MYOT: variants seen among roughly 807,000 people sequenced by gnomAD.
MYOT encodes myotilin, also known as 57 kDa cytoskeletal protein.
In MYOT, 36 loss-of-function variants were observed where a neutral mutation model predicts 58.0. The observed-to-expected ratio is 0.62, with a 90% CI of 0.48 to 0.82. The LOEUF is 0.82. Among genes scored for constraint, MYOT ranks in the 40% least tolerant of loss-of-function variants. The pLI is 0.00. For missense variants in MYOT, 505 were observed against 592.1 expected, an observed-to-expected ratio of 0.85 and a Z score of 1.53; for synonymous variants, 218 against 204.6, an observed-to-expected ratio of 1.07 and a Z score of -0.56.
In MYOT at chr5:137,872,057, C is replaced by CA. The variant is rs773626199; in HGVS notation, c.356+1059dup. On this transcript the variant is annotated intron_variant, in intron 2 of 9. Transcript: ENST00000239926. ...GAACTGCCTATAGCAATTCAACTTGCAAAAAAAAACCTTTTCAATATTTTA... is the reference window on the plus strand; with the variant it reads ...GAACTGCCTATAGCAATTCAACTTGCAAAAAAAAAACCTTTTCAATATTTTA... Among the ~76,000 whole-genome samples, 81 of 148,890 alleles carry CA rather than the reference C, an allele frequency of 5.4e-4. 1 individual carries two copies. The East Asian group carries it at 0.014, about 26-fold the overall frequency.
At chr5:137,875,041 T>C (rs755739657) in intron 2 of MYOT, among the ~76,000 whole-genome samples, 6 of 152,156 alleles carry the variant, frequency 3.9e-5, no homozygotes, top group Non-Finnish European at 7.3e-5. Flanking sequence ...TTTCAAACTA[T>C]AACATGAAAT....
chr5:137,871,810 C>T (rs551411011), intron 2 of MYOT, among the ~76,000 whole-genome samples: 1 of 152,194 alleles, frequency 6.6e-6, no homozygotes, highest in South Asian at 2.1e-4. Flanking sequence ...AACTGAATAC[C>T]TTGTGCTTAT....
chr5:137,871,406 C>T (rs1755046310), intron 2 of MYOT, among the ~76,000 whole-genome samples: 1 of 152,236 alleles, frequency 6.6e-6, no homozygotes, highest in Admixed American at 6.5e-5. Context: ...GTCTGCTCTT[C>T]TTCAGATAGG....
chr5:137,877,458 A>G, intron 3 of MYOT, 62 bp from the exon 4 acceptor site: 1 of 1,116,060 alleles, frequency 9.0e-7, no homozygotes, highest in Admixed American at 1.7e-5. Flanking sequence ...AGTGGTTTTA[A>G]GGTAAACCTG....
intron 3 of MYOT, among the ~76,000 whole-genome samples, chr5:137,876,585 C>T (rs1009478607): frequency 3.9e-5 from 6 of 152,156 alleles, no homozygotes; most frequent in African/African-American, 1.4e-4. Flanking sequence ...GCAGGTGGAT[C>T]ACCAAGGTTA....
At chr5:137,873,676 A>G (rs1310803283) in intron 2 of MYOT, among the ~76,000 whole-genome samples, 1 of 152,186 alleles carries the variant, frequency 6.6e-6, no homozygotes, top group African/African-American at 2.4e-5. Flanking sequence ...TTTAAAAAAC[A>G]TTTTGTTTGG....
intron 4 of MYOT, 84 bp from the exon 5 acceptor site, chr5:137,880,732 T>C: frequency 8.7e-7 from 1 of 1,150,144 alleles, no homozygotes; most frequent in South Asian, 1.3e-5. Flanking sequence ...AATAGGAATG[T>C]TCCTTTCAAC....
intron 3 of MYOT, among the ~76,000 whole-genome samples, chr5:137,877,217 A>T (rs1755255722): frequency 6.6e-6 from 1 of 151,874 alleles, no homozygotes; most frequent in Non-Finnish European, 1.5e-5. Context: ...AAATACAAAA[A>T]ATTAGCTGGG....
At chr5:137,873,661 G>A (rs1408115369) in intron 2 of MYOT, among the ~76,000 whole-genome samples, 3 of 151,694 alleles carry the variant, frequency 2.0e-5, no homozygotes, top group Non-Finnish European at 2.9e-5. Context: ...AAAAAAAATC[G>A]CTATTTTAAA....
chr5:137,882,022 G>A lies in MYOT; in HGVS notation c.733G>A (p.Glu245Lys). ...TGTGAATGATCAGGATGCAATCCAG[G>A]AGAAATTTTACCCACCACGTTTCAT... ...GDVNDQDAIQ[E>K]KFYPPRFIQV... The change falls in exon 6 of 10, where the codon GAG (glutamate) becomes AAG (lysine). Residue 245 changes from glutamate to lysine, a missense_variant. By Grantham distance (56) the Glu-to-Lys change is moderately conservative. Coordinates refer to ENST00000239926, the MANE Select transcript of MYOT (RefSeq NM_006790.3). 6.2e-7 allele frequency: 1 copy of A among 1,614,094 alleles called. No homozygotes were observed. Among genetic ancestry groups the A allele is most frequent in the Non-Finnish European group, 8.5e-7 (1 of 1,179,930 alleles).
intron 7 of MYOT, 76 bp from the exon 8 acceptor site, chr5:137,885,971 AT>A: frequency 9.8e-7 from 1 of 1,020,480 alleles, no homozygotes; most frequent in East Asian, 2.7e-5. Flanking sequence ...CAACATACAA[AT>A]TTCATAATAC....
Position 137,878,214 on chromosome 5 carries a change from AT to A in MYOT, c.633+612del, listed in dbSNP as rs889419278. 3.0e-3 allele frequency among the ~76,000 whole-genome samples: 399 copies of A among 133,940 alleles called. 1 individual carries two copies. The highest frequency in any genetic ancestry group is 7.7e-3 in the Middle Eastern group (2 of 260). The allele number at this position is 133,940 out of a possible 152,430, so 87.9% of individuals were successfully genotyped here. ...CATCCCACAGGTTTGCACCTGATCG[AT>A]TTTTTTTTTTTTTTTTTTGAGACAG... On this transcript the variant is annotated intron_variant, in intron 4 of 9. Transcript: ENST00000239926.
intron 3 of MYOT, 97 bp from the exon 4 acceptor site, chr5:137,877,423 C>G (rs757177495): frequency 1.4e-6 from 1 of 692,176 alleles, no homozygotes; most frequent in Non-Finnish European, 2.7e-6. Context: ...TAGAACTATG[C>G]TTCTTTGAAG....
chr5:137,880,744 G>GT, intron 4 of MYOT, 72 bp from the exon 5 acceptor site: 1 of 1,240,286 alleles, frequency 8.1e-7, no homozygotes. Context: ...CCTTTCAACT[G>GT]TAACTACTTA....
At chr5:137,870,126 T>TAA (rs566265335) in intron 1 of MYOT, among the ~76,000 whole-genome samples, 4 of 86,914 alleles carry the variant, frequency 4.6e-5, no homozygotes, top group Non-Finnish European at 1.0e-4. Flanking sequence ...CTGTCTCTAC[T>TAA]AAAAAAAAAA....
Position 137,876,010 on chromosome 5 carries a change from A to G in MYOT, c.531+7A>G. On this transcript the variant is annotated splice_region_variant and intron_variant, in intron 3 of 9. Transcript: ENST00000239926. ...TCTTCATAATGGAAATCAAGTGGGCAAGATGTCTATTTTGTACAAAAGGCC... is the reference window on the plus strand; with the variant it reads ...TCTTCATAATGGAAATCAAGTGGGCGAGATGTCTATTTTGTACAAAAGGCC... 1 of 1,613,874 alleles carries G rather than the reference A, an allele frequency of 6.2e-7. No individual in the cohort carries two copies.
chr5:137,872,067 C>A (rs750516264), intron 2 of MYOT, among the ~76,000 whole-genome samples: 3 of 151,944 alleles, frequency 2.0e-5, no homozygotes, highest in Non-Finnish European at 4.4e-5. Context: ...CAAAAAAAAA[C>A]CTTTTCAATA....
At position 137,870,372 on chromosome 5, in the gene MYOT, T is replaced by C. The variant is rs1402325127; in HGVS notation, c.-211-69T>C. 6 of 521,480 alleles carry C rather than the reference T, an allele frequency of 1.2e-5. No individual in the cohort carries two copies. In the Admixed American group the frequency reaches 1.9e-4, roughly 17 times the overall value. The allele number at this position is 521,480 out of a possible 1,614,324, so 32.3% of individuals were successfully genotyped here. On this transcript the variant is annotated intron_variant, in intron 1 of 9. Coordinates refer to ENST00000239926, the MANE Select transcript of MYOT (RefSeq NM_006790.3). Reference sequence around the variant, plus strand: ...AGGAAAAGAAAAAGCACATCAGATCTGAAAGATGTCAAATAAACAATGTTA... The same window carrying C: ...AGGAAAAGAAAAAGCACATCAGATCCGAAAGATGTCAAATAAACAATGTTA...
At position 137,877,532 on chromosome 5, in the gene MYOT, G is replaced by A. The variant is rs867562782; in HGVS notation, c.544G>A (p.Glu182Lys). Residue 182 changes from glutamate (E) to lysine (K), a missense_variant, in exon 4 of 10, where the codon GAA (glutamate) becomes AAA (lysine). Physicochemically the swap from Glu to Lys is moderately conservative, Grantham distance 56. Transcript: ENST00000239926. ...AAATTCTCTAAAGCGTCTAACATAT[G>A]AAGAGAAGATGGCTCGCAGATTGCT... ...LHNGNQRLTY[E>K]EKMARRLLGP... The A allele has an allele frequency of 6.8e-6, 11 of 1,611,852 alleles. No homozygotes were observed. The highest frequency in any genetic ancestry group is 1.7e-5 in the Admixed American group (1 of 60,002).
Sources: gnomAD v4.1 joint callset for allele counts (sites outside exome capture counted in the v4.1 genomes callset) on GRCh38, gnomAD v4.1.1 for gene constraint, MANE v1.5 for transcripts, NCBI Gene and HGNC (gene_info 2026-07-23, HGNC 2026-07-21) for gene names.